ZFP57: variants seen among roughly 807,000 people sequenced by gnomAD.
ZFP57 encodes zinc finger protein 57 homolog.
In ZFP57, 12 loss-of-function variants were observed where a neutral mutation model predicts 15.8. The ratio of observed to expected loss-of-function variants is 0.76; its 90% CI spans 0.49 to 1.23. The LOEUF is 1.23. Ranked by LOEUF, ZFP57 falls within the 50% of genes most tolerant of loss-of-function variation. The probability of loss-of-function intolerance (pLI) is 0.00; values close to 1 mark genes in which losing one functional copy is unlikely to be tolerated. For missense variants in ZFP57, 536 were observed against 654.9 expected (o/e 0.82, Z 1.98); for synonymous variants, 203 against 242.3 (o/e 0.84, Z 1.51).
Position 29,677,279 on chromosome 6 carries a change from C to A in ZFP57, c.-276G>T. On this transcript the variant is annotated 5_prime_UTR_variant, in exon 2 of 5. Coordinates refer to ENST00000376883, the MANE Select transcript of ZFP57 (RefSeq NM_001109809.5). The stretch of plus-strand genomic sequence containing the variant: ...GGGCCACCGAGTTCAGGGCCCTGGT[C>A]ACCCTTGGCTCACCAGCTGCCATTG... 1.9e-6 allele frequency: 1 copy of A among 522,558 alleles called. No homozygotes were observed. Among genetic ancestry groups the A allele is most frequent in the Non-Finnish European group, 3.5e-6 (1 of 288,122 alleles). 32.4% of individuals were successfully genotyped at this position (522,558 alleles called of 1,614,324 possible). A position where few individuals can be genotyped will look rare whatever the true frequency, so the allele number is the denominator to read the frequency against.
In ZFP57 at chr6:29,673,062, T is replaced by C; in HGVS notation, c.1049A>G (p.Asn350Ser). Residue 350 changes from asparagine to serine, a missense_variant, in exon 5 of 5, where the codon AAC (asparagine) becomes AGC (serine). By Grantham distance (46) the Asn-to-Ser change is conservative. Coordinates refer to ENST00000376883, the MANE Select transcript of ZFP57 (RefSeq NM_001109809.5). The surrounding 1 kb of genome is among the most constrained non-coding windows in gnomAD (Gnocchi z 4.7). ...MAQNQASVLK[N>S]QAPVTRTQAP... ...CTGGGTCCTGGTCACAGGTGCTTGG[T>C]TCTTAAGTACAGATGCCTGGTTCTG... The C allele has an allele frequency of 6.2e-7, 1 of 1,612,832 alleles. No homozygotes were observed. The highest frequency in any genetic ancestry group is 8.5e-7 in the Non-Finnish European group (1 of 1,179,956).
At position 29,676,049 on chromosome 6, in the gene ZFP57, G is replaced by A; in HGVS notation, c.134C>T (p.Thr45Ile). ...REARVKKKPV[T>I]FEDVAVNFTQ... The stretch of plus-strand genomic sequence containing the variant: ...GAAATTCACTGCCACATCCTCAAAG[G>A]TGACTGGCTTCTGGAAGAACAGGAG... The change falls in exon 3 of 5, where the codon ACC becomes ATC. Residue 45 changes from threonine to isoleucine, a missense_variant. Coordinates refer to ENST00000376883, the MANE Select transcript of ZFP57 (RefSeq NM_001109809.5). 1 of 1,611,030 alleles carries A rather than the reference G, an allele frequency of 6.2e-7. No homozygotes were observed. The highest frequency in any genetic ancestry group is 1.1e-5 in the South Asian group (1 of 90,974).
intron 3 of ZFP57, 90 bp from the exon 4 acceptor site, chr6:29,675,577 T>G: frequency 1.9e-6 from 2 of 1,071,124 alleles, no homozygotes; most frequent in Non-Finnish European, 2.9e-6. Flanking sequence ...CCTGTAGCCT[T>G]TGTTTAAGAA....
At chr6:29,678,931 G>A (rs1772201453) in intron 1 of ZFP57, among the ~76,000 whole-genome samples, 1 of 152,232 alleles carries the variant, frequency 6.6e-6, no homozygotes, top group Non-Finnish European at 1.5e-5. Flanking sequence ...TCAGGATGCT[G>A]AGGCAGAATT....
At chr6:29,675,251 T>A in intron 4 of ZFP57, 135 bp downstream of exon 4, 1 of 668,178 alleles carries the variant, frequency 1.5e-6, no homozygotes, top group Non-Finnish European at 2.8e-6. Context: ...CTCTTTCAAC[T>A]CCAAGTCTGA....
chr6:29,677,433 C>A (rs778610856), intron 1 of ZFP57, 67 bp from the exon 2 acceptor site: 1 of 257,358 alleles, frequency 3.9e-6, no homozygotes, highest in Non-Finnish European at 7.7e-6. Flanking sequence ...CTTATTTGGT[C>A]AGGGAATGCC....
chr6:29,676,240 T>C (rs986760496), intron 2 of ZFP57, among the ~76,000 whole-genome samples, 181 bp from the exon 3 acceptor site: 2 of 151,566 alleles, frequency 1.3e-5, no homozygotes, highest in African/African-American at 2.4e-5. Context: ...AACTGTGAAG[T>C]ATAGAAAGGA....
chr6:29,676,195 A>C, intron 2 of ZFP57, 136 bp from the exon 3 acceptor site: 2 of 978,432 alleles, frequency 2.0e-6, no homozygotes, highest in Non-Finnish European at 3.0e-6. Flanking sequence ...CATGGAAGGA[A>C]GAGAGAAATA....
chr6:29,673,623 G>A lies in ZFP57; in HGVS notation c.488C>T (p.Thr163Ile). Residue 163 changes from threonine to isoleucine, a missense_variant, in exon 5 of 5, where the codon ACC becomes ATC. Thr to Ile is a moderately conservative substitution (Grantham distance 89). Coordinates refer to ENST00000376883, the MANE Select transcript of ZFP57 (RefSeq NM_001109809.5). This position sits in a 1 kb window ranked among gnomAD's most constrained non-coding sequence, Gnocchi z 4.7. The part of the protein sequence containing the change: ...LSAPAGTMDR[T>I]RVLQASQAGP... ...AGCCTGGGATGCTTGAAGCACCCGG[G>A]TCCTGTCCATAGTCCCAGCTGGGGC... The A allele has an allele frequency of 6.2e-7, 1 of 1,612,924 alleles. No homozygotes were observed. Among genetic ancestry groups the A allele is most frequent in the Non-Finnish European group, 8.5e-7 (1 of 1,179,952 alleles).
At position 29,672,938 on chromosome 6, in the gene ZFP57, CAAAG is replaced by C. The variant is rs754874675; in HGVS notation, c.1169_1172del (p.Ser390Ter). ...AGAGATAGGATTTCTTGCTAAAAGTCAAAGAACAATGGGGGCAACAGAAGACATT... is the reference window on the plus strand; with the variant it reads ...AGAGATAGGATTTCTTGCTAAAAGTCAACAATGGGGGCAACAGAAGACATT... On this transcript the variant is annotated frameshift_variant, in exon 5 of 5. Coordinates refer to ENST00000376883, the MANE Select transcript of ZFP57 (RefSeq NM_001109809.5). LOFTEE classifies it low-confidence loss of function (END_TRUNC). 1 of 1,612,990 alleles carries C rather than the reference CAAAG, an allele frequency of 6.2e-7. No individual in the cohort carries two copies. The highest frequency in any genetic ancestry group is 8.5e-7 in the Non-Finnish European group (1 of 1,180,026).
rs1481218759 is a variant in ZFP57 at position 29,673,331 on chromosome 6, T to G, written c.780A>C (p.Ser260=). ...RRVHLGYRPH[S]CSVCGKSFRD... is the part of the protein sequence containing the mutation. ...GGAAGCTCTTCCCACACACAGAGCA[T>G]GAATGGGGCCGGTAACCCAGATGGA... The change falls in exon 5 of 5, where the codon TCA becomes TCC. Residue 260 remains serine, a synonymous_variant. Coordinates refer to ENST00000376883, the MANE Select transcript of ZFP57 (RefSeq NM_001109809.5). This position sits in a 1 kb window ranked among gnomAD's most constrained non-coding sequence, Gnocchi z 4.7. The G allele has an allele frequency of 5.0e-6, 8 of 1,612,846 alleles. No homozygotes were observed. The African/African-American group carries it at 6.7e-5, about 13-fold the overall frequency.
At position 29,675,468 on chromosome 6, in the gene ZFP57, C is replaced by T; in HGVS notation, c.270G>A (p.Lys90=). The change falls in exon 4 of 5, where the codon AAG becomes AAA. Residue 90 remains lysine, a synonymous_variant. Coordinates refer to ENST00000376883, the MANE Select transcript of ZFP57 (RefSeq NM_001109809.5). ...GCTCAAGCTTGGTGATTAGCTCTGGCTTATGCAGAAAGATTCTGGCTGATG... is the reference window on the plus strand; with the variant it reads ...GCTCAAGCTTGGTGATTAGCTCTGGTTTATGCAGAAAGATTCTGGCTGATG... The part of the protein sequence containing the change: ...LTSVARIFLH[K]PELITKLEQE... 1.2e-6 allele frequency: 2 copies of T among 1,614,120 alleles called. No homozygotes were observed. Among genetic ancestry groups the T allele is most frequent in the South Asian group, 2.2e-5 (2 of 91,074 alleles).
At position 29,673,597 on chromosome 6, in the gene ZFP57, C is replaced by G. The variant is rs772724131; in HGVS notation, c.514G>C (p.Gly172Arg). ...RTRVLQASQA[G>R]PPFFCYTCGK... ...CAGGTGTAGCAAAAAAAGGGTGGCC[C>G]AGCCTGGGATGCTTGAAGCACCCGG... Residue 172 changes from glycine to arginine, a missense_variant, in exon 5 of 5, where the codon GGG (glycine) becomes CGG (arginine). Coordinates refer to ENST00000376883, the MANE Select transcript of ZFP57 (RefSeq NM_001109809.5). This position sits in a 1 kb window ranked among gnomAD's most constrained non-coding sequence, Gnocchi z 4.7. The G allele has an allele frequency of 6.2e-7, 1 of 1,613,008 alleles. No individual in the cohort carries two copies. Among genetic ancestry groups the G allele is most frequent in the South Asian group, 1.1e-5 (1 of 91,082 alleles).
intron 2 of ZFP57, among the ~76,000 whole-genome samples, chr6:29,676,550 GA>G (rs78930904): frequency 0.094 from 11,137 of 118,690 alleles, 570 homozygotes; most frequent in East Asian, 0.22. Flanking sequence ...AAAAAAAAAA[GA>G]AAAAAAAAAA....
In ZFP57 at chr6:29,672,897, G is replaced by T; in HGVS notation, c.1214C>A (p.Ala405Asp). Residue 405 changes from alanine to aspartate, a missense_variant, in exon 5 of 5, where the codon GCC becomes GAC. Coordinates refer to ENST00000376883, the MANE Select transcript of ZFP57 (RefSeq NM_001109809.5). The part of the protein sequence containing the change: ...KKSYLSRHQK[A>D]HLTEPPNYCF... The stretch of plus-strand genomic sequence containing the variant: ...GTAGTTGGGCGGCTCTGTGAGGTGG[G>T]CCTTCTGGTGTCTGGAGAGATAGGA... 1 of 1,613,078 alleles carries T rather than the reference G, an allele frequency of 6.2e-7. No individual in the cohort carries two copies. The highest frequency in any genetic ancestry group is 8.5e-7 in the Non-Finnish European group (1 of 1,180,028).
Position 29,676,099 on chromosome 6 carries a change from T to C in ZFP57, c.124-40A>G, listed in dbSNP as rs774403817. On this transcript the variant is annotated intron_variant, in intron 2 of 4. Transcript: ENST00000376883. ...GAGACTCAAGAAGTTTATATAAATA[T>C]ATATGTGTGTGTGTGTGTGTGTGTG... The C allele has an allele frequency of 5.5e-6, 6 of 1,099,480 alleles. No homozygotes were observed. In the South Asian group the frequency reaches 1.2e-4, roughly 22 times the overall value. The allele number at this position is 1,099,480 out of a possible 1,614,324, so 68.1% of individuals were successfully genotyped here. A position where few individuals can be genotyped will look rare whatever the true frequency, so the allele number is the denominator to read the frequency against.
intron 1 of ZFP57, among the ~76,000 whole-genome samples, chr6:29,679,075 C>A (rs1418363264): frequency 1.3e-5 from 2 of 152,180 alleles, no homozygotes; most frequent in African/African-American, 2.4e-5. Context: ...GAACATATCA[C>A]CTGTGGATAA....
intron 4 of ZFP57, 49 bp downstream of exon 4, chr6:29,675,337 G>T: frequency 7.5e-7 from 1 of 1,325,086 alleles, no homozygotes; most frequent in Non-Finnish European, 1.1e-6. Context: ...ATCCTTTCAG[G>T]GGTTATCCTG....
chr6:29,678,886 A>C (rs548076455), intron 1 of ZFP57, among the ~76,000 whole-genome samples: 1 of 152,268 alleles, frequency 6.6e-6, no homozygotes, highest in Admixed American at 6.5e-5. Flanking sequence ...TACAAAAATT[A>C]GCTGGGCGTG....
Sources: gnomAD v4.1 joint callset for allele counts (sites outside exome capture counted in the v4.1 genomes callset) on GRCh38, gnomAD v4.1.1 for gene constraint, Gnocchi (gnomAD v3.1) non-coding constraint, MANE v1.5 for transcripts, NCBI Gene and HGNC (gene_info 2026-07-23, HGNC 2026-07-21) for gene names.